Variants in CABCOCO1 observed in about 807,000 individuals in gnomAD.
The protein encoded by CABCOCO1 is ciliary-associated calcium-binding coiled-coil protein 1.
CABCOCO1 carries 28 observed loss-of-function variants against 35.7 expected under a neutral mutation model. The ratio of observed to expected loss-of-function variants is 0.78; its 90% CI spans 0.58 to 1.07. The LOEUF (loss-of-function observed/expected upper bound fraction) is 1.07, where lower values mean the gene tolerates loss of function less well. Among genes scored for constraint, CABCOCO1 ranks in the 50% least tolerant of loss-of-function variants. CABCOCO1 has a pLI of 0.00. For synonymous variants in CABCOCO1, 95 were observed against 100.1 expected (o/e 0.95, Z 0.30); for missense variants, 326 against 309.2 (o/e 1.05, Z -0.41).
At chr10:61,680,293 GA>G (rs1205421106) in intron 2 of CABCOCO1, among the ~76,000 whole-genome samples, 1 of 143,288 alleles carries the variant, frequency 7.0e-6, no homozygotes, top group Non-Finnish European at 1.5e-5. Flanking sequence ...CCTGGCCGAT[GA>G]AGCAAGGCCC....
At chr10:61,663,202 C>G (rs1839059443) in intron 1 of CABCOCO1, 170 bp downstream of exon 1, 1 of 179,592 alleles carries the variant, frequency 5.6e-6, no homozygotes, top group African/African-American at 2.4e-5. Flanking sequence ...CTGGGAGCTG[C>G]GCTGGGGTCC....
In CABCOCO1 at chr10:61,686,021, T is replaced by C. The variant is rs200907159; in HGVS notation, c.335-20T>C. On this transcript the variant is annotated intron_variant, in intron 3 of 7. Coordinates refer to ENST00000648843, the MANE Select transcript of CABCOCO1 (RefSeq NM_001366906.2). ...CATCTATCAAAATAATAATTAAGAT[T>C]TCTCTGGATTTTATTTCAGCACTAC... 1.0e-5 allele frequency: 16 copies of C among 1,575,738 alleles called. No individual in the cohort carries two copies. The Admixed American group carries it at 3.2e-4, about 32-fold the overall frequency.
chr10:61,706,881 T>G (rs1840604820), intron 5 of CABCOCO1, among the ~76,000 whole-genome samples: 1 of 152,138 alleles, frequency 6.6e-6, no homozygotes, highest in African/African-American at 2.4e-5. Context: ...AACTGTTCCT[T>G]CCCCTTTCCC....
intron 5 of CABCOCO1, among the ~76,000 whole-genome samples, chr10:61,754,066 G>C (rs1433365441): frequency 1.3e-5 from 2 of 152,088 alleles, no homozygotes; most frequent in Non-Finnish European, 2.9e-5. Context: ...AGTAATAATA[G>C]TAATACACCT....
At position 61,681,323 on chromosome 10, in the gene CABCOCO1, T is replaced by C; in HGVS notation, c.334+11T>C. The stretch of plus-strand genomic sequence containing the variant: ...TTCAAAATCTTAAAAGTAAGTACAC[T>C]ATTTTCCTTTGAAGTAAAACAAATT... On this transcript the variant is annotated intron_variant, in intron 3 of 7. Coordinates refer to ENST00000648843, the MANE Select transcript of CABCOCO1 (RefSeq NM_001366906.2). 1 of 1,504,656 alleles carries C rather than the reference T, an allele frequency of 6.6e-7. No individual in the cohort carries two copies. Among genetic ancestry groups the C allele is most frequent in the Non-Finnish European group, 9.0e-7 (1 of 1,105,348 alleles). The allele number at this position is 1,504,656 out of a possible 1,614,324, so 93.2% of individuals were successfully genotyped here.
chr10:61,686,228 T>C (rs780473406), intron 4 of CABCOCO1, 43 bp downstream of exon 4: 2 of 1,443,478 alleles, frequency 1.4e-6, no homozygotes, highest in Non-Finnish European at 1.9e-6. Flanking sequence ...ATTTCACATC[T>C]TCTGGAAAAT....
chr10:61,680,607 A>AT (rs1839719301), intron 2 of CABCOCO1, among the ~76,000 whole-genome samples: 7 of 10,804 alleles, frequency 6.5e-4, no homozygotes, highest in African/African-American at 1.9e-3. Context: ...TACATGTATA[A>AT]CATGTTATAC....
At chr10:61,724,303 G>A (rs1235912013) in intron 5 of CABCOCO1, among the ~76,000 whole-genome samples, 1 of 152,088 alleles carries the variant, frequency 6.6e-6, no homozygotes, top group Non-Finnish European at 1.5e-5. Context: ...CTCCATTCAG[G>A]ATATGTAGAC....
chr10:61,707,798 C>T (rs1840630336), intron 5 of CABCOCO1, among the ~76,000 whole-genome samples: 1 of 152,018 alleles, frequency 6.6e-6, no homozygotes, highest in Non-Finnish European at 1.5e-5. Flanking sequence ...AATGAATGTA[C>T]TCTGCATAAT....
At chr10:61,721,234 T>C (rs908712988) in intron 5 of CABCOCO1, among the ~76,000 whole-genome samples, 7 of 151,956 alleles carry the variant, frequency 4.6e-5, no homozygotes, top group African/African-American at 1.7e-4. Context: ...CCACCTCTGC[T>C]TTTTCTAGAG....
chr10:61,690,204 T>G (rs1279317868), intron 4 of CABCOCO1, among the ~76,000 whole-genome samples: 1 of 152,080 alleles, frequency 6.6e-6, no homozygotes, highest in Non-Finnish European at 1.5e-5. Context: ...TAATGTAAAG[T>G]TTCATGTTAT....
intron 7 of CABCOCO1, among the ~76,000 whole-genome samples, chr10:61,761,420 C>T (rs1377840911): frequency 6.6e-6 from 1 of 152,084 alleles, no homozygotes; most frequent in South Asian, 2.1e-4. Context: ...GCCTCTCAGA[C>T]AGTTTGTTCC....
chr10:61,748,463 C>G (rs563110028), intron 5 of CABCOCO1, among the ~76,000 whole-genome samples: 38 of 152,204 alleles, frequency 2.5e-4, no homozygotes, highest in Admixed American at 2.3e-3. Flanking sequence ...TTCTACATGC[C>G]AGGCACTGTG....
At chr10:61,761,982 G>A (rs1589159652) in intron 7 of CABCOCO1, among the ~76,000 whole-genome samples, 1 of 152,180 alleles carries the variant, frequency 6.6e-6, no homozygotes, top group East Asian at 1.9e-4. Flanking sequence ...CAGAAATAGT[G>A]GAAGAACACG....
chr10:61,753,173 AT>A (rs1055786447), intron 5 of CABCOCO1, among the ~76,000 whole-genome samples: 6 of 152,142 alleles, frequency 3.9e-5, no homozygotes, highest in Non-Finnish European at 8.8e-5. Context: ...TGAAAATGCA[AT>A]GTCCATAAAA....
chr10:61,708,578 C>T (rs1840649941), intron 5 of CABCOCO1, among the ~76,000 whole-genome samples: 1 of 152,100 alleles, frequency 6.6e-6, no homozygotes, highest in Admixed American at 6.6e-5. Flanking sequence ...TGCCTTCTTA[C>T]TGTGTCCTCA....
At chr10:61,692,953 A>C (rs1028995073) in intron 5 of CABCOCO1, among the ~76,000 whole-genome samples, 2 of 152,184 alleles carry the variant, frequency 1.3e-5, no homozygotes, top group African/African-American at 4.8e-5. Context: ...CAATAACAGC[A>C]TAAGTTGATA....
chr10:61,729,436 G>A (rs1215025453), intron 5 of CABCOCO1, among the ~76,000 whole-genome samples: 3 of 152,080 alleles, frequency 2.0e-5, no homozygotes, highest in Non-Finnish European at 2.9e-5. Flanking sequence ...CCTCACACTC[G>A]TCAGGATGGC....
chr10:61,765,350 C>T (rs1842085705), intron 7 of CABCOCO1, among the ~76,000 whole-genome samples: 1 of 152,190 alleles, frequency 6.6e-6, no homozygotes, highest in Admixed American at 6.5e-5. Flanking sequence ...GCTATCACCA[C>T]CTCGGCAATC....
Sources: allele counts gnomAD v4.1 joint callset (sites outside exome capture counted in the v4.1 genomes callset), GRCh38; gene constraint gnomAD v4.1.1; transcripts MANE v1.5; gene names NCBI Gene and HGNC (gene_info 2026-07-23, HGNC 2026-07-21).